Variants in NEDD9 observed in about 807,000 individuals in gnomAD.
NEDD9 encodes neural precursor cell expressed, developmentally down-regulated 9.
Under a neutral mutation model 76.6 loss-of-function variants are expected in NEDD9, and 26 were observed. The ratio of observed to expected loss-of-function variants is 0.34; its 90% confidence interval spans 0.25 to 0.47. The LOEUF is 0.47. Ranked by LOEUF, NEDD9 falls within the 20% of genes least tolerant of loss-of-function variation. The probability of loss-of-function intolerance (pLI) is 1.00; values close to 1 mark genes in which losing one functional copy is unlikely to be tolerated. For synonymous variants in NEDD9, 392 were observed against 414.2 expected, an observed-to-expected ratio of 0.95 and a Z score of 0.65; for missense variants, 937 against 1,058.5, an observed-to-expected ratio of 0.89 and a Z score of 1.59.
chr6:11,238,997 A>G (rs1759659465), intron 3 of NEDD9, among the ~76,000 whole-genome samples: 1 of 151,954 alleles, frequency 6.6e-6, no homozygotes, highest in Admixed American at 6.6e-5. Flanking sequence ...CCAACTCTAC[A>G]GAAATAAAAA....
At chr6:11,282,409 T>C (rs998746572) in intron 3 of NEDD9, among the ~76,000 whole-genome samples, 1 of 152,220 alleles carries the variant, frequency 6.6e-6, no homozygotes, top group Admixed American at 6.5e-5. Context: ...TTAATGGCCA[T>C]GCAGACAGTG....
chr6:11,248,294 C>T (rs957414898), intron 3 of NEDD9, among the ~76,000 whole-genome samples: 27 of 151,868 alleles, frequency 1.8e-4, no homozygotes, highest in Admixed American at 1.6e-3. Context: ...CAGCTAAGTG[C>T]GCCATCTCTT....
In NEDD9 at chr6:11,268,725, T is replaced by TCACACAAA. The variant is rs1162856844; in HGVS notation, c.12+37266_12+37267insTTTGTGTG. Among the ~76,000 whole-genome samples, 870 of 135,228 alleles carry TCACACAAA rather than the reference T, an allele frequency of 6.4e-3. 9 individuals are homozygous for TCACACAAA. Among genetic ancestry groups the TCACACAAA allele is most frequent in the African/African-American group, 0.022 (764 of 35,210 alleles). 88.7% of individuals were successfully genotyped at this position (135,228 alleles called of 152,430 possible). ...CCTGGGCAACAAGAACGAAGCTCCA[T>TCACACAAA]CACACACACACACACACACAGACAC... On this transcript the variant is annotated intron_variant, in intron 3 of 3. Transcript: ENST00000397378.
intron 2 of NEDD9, among the ~76,000 whole-genome samples, chr6:11,331,932 T>C (rs536364505): frequency 1.3e-4 from 20 of 152,328 alleles, no homozygotes; most frequent in African/African-American, 4.3e-4. Flanking sequence ...GTAGTTCAAA[T>C]GCAGTAATAG....
At chr6:11,325,369 AG>A (rs1163736197) in intron 2 of NEDD9, among the ~76,000 whole-genome samples, 1 of 151,988 alleles carries the variant, frequency 6.6e-6, no homozygotes, top group East Asian at 1.9e-4. Context: ...AAAAAAAAAA[AG>A]AATGTGCATT....
At chr6:11,261,328 G>A (rs1409799305) in intron 3 of NEDD9, among the ~76,000 whole-genome samples, 1 of 152,108 alleles carries the variant, frequency 6.6e-6, no homozygotes, top group Non-Finnish European at 1.5e-5. Flanking sequence ...CTGAGTCTTT[G>A]GAGGATAAGT....
chr6:11,366,444 A>G (rs934239538), intron 1 of NEDD9, among the ~76,000 whole-genome samples: 6 of 151,756 alleles, frequency 4.0e-5, no homozygotes, highest in Admixed American at 6.6e-5. Context: ...AAAGAAAGAA[A>G]AAAGAAAGAA....
intron 3 of NEDD9, among the ~76,000 whole-genome samples, chr6:11,255,878 G>T (rs568307498): frequency 6.6e-6 from 1 of 152,218 alleles, no homozygotes; most frequent in African/African-American, 2.4e-5. Flanking sequence ...TAAGGAAACT[G>T]GTTAGGAGGC....
chr6:11,243,284 A>G (rs544318279), intron 3 of NEDD9, among the ~76,000 whole-genome samples: 6 of 152,372 alleles, frequency 3.9e-5, no homozygotes, highest in African/African-American at 1.4e-4. Flanking sequence ...AGTAGTGTTG[A>G]AATTACTAGA....
At chr6:11,244,214 G>C (rs1314705647) in intron 3 of NEDD9, among the ~76,000 whole-genome samples, 1 of 152,022 alleles carries the variant, frequency 6.6e-6, no homozygotes, top group Non-Finnish European at 1.5e-5. Flanking sequence ...TTTGGACTTG[G>C]AGACAACTCC....
intron 2 of NEDD9, among the ~76,000 whole-genome samples, chr6:11,311,760 C>A (rs751962760): frequency 1.3e-5 from 2 of 152,212 alleles, no homozygotes; most frequent in Non-Finnish European, 2.9e-5. Context: ...GTAATCCTAG[C>A]ACTTTGGGTC....
intron 2 of NEDD9, among the ~76,000 whole-genome samples, chr6:11,319,756 G>GCACACA (rs1761737979): frequency 2.7e-5 from 2 of 73,398 alleles, no homozygotes; most frequent in South Asian, 1.1e-3. Context: ...ACACTAACAT[G>GCACACA]CACACTAACA....
rs142112537 is a variant in NEDD9, at chr6:11,193,587, G to A, written c.561+4C>T. On this transcript the variant is annotated splice_donor_region_variant and intron_variant, in intron 3 of 6. Transcript: ENST00000379446. The stretch of plus-strand genomic sequence containing the variant: ...TCCTCTTGTGACCATGTTCTGGTAC[G>A]CACCCCTTGAGTGGTATGAGAAGGA... 4.2e-5 allele frequency: 68 copies of A among 1,605,042 alleles called. 1 individual carries two copies. The East Asian group carries it at 1.4e-3, about 34-fold the overall frequency.
In NEDD9 at chr6:11,253,000, T is replaced by C. The variant is rs1399359736; in HGVS notation, c.13-39273A>G. ...GCAGTTGCCTAAGAACAAAACATTA[T>C]CTTGTGGGAGAGGAGTAGGGGCACG... is the stretch of plus-strand genomic sequence containing the variant. On this transcript the variant is annotated intron_variant, in intron 3 of 3. Coordinates refer to the NEDD9 transcript ENST00000397378. The surrounding 1 kb of genome is among the most constrained non-coding windows in gnomAD (Gnocchi z 4.3). 3.3e-5 allele frequency among the ~76,000 whole-genome samples: 5 copies of C among 152,298 alleles called. No individual in the cohort carries two copies. Among genetic ancestry groups the C allele is most frequent in the South Asian group, 2.1e-4 (1 of 4,834 alleles).
chr6:11,319,283 G>A (rs754624163), intron 2 of NEDD9, among the ~76,000 whole-genome samples: 1 of 152,148 alleles, frequency 6.6e-6, no homozygotes, highest in African/African-American at 2.4e-5. Flanking sequence ...CCTTTTCTGG[G>A]AATGGGGAAT....
chr6:11,350,228 G>A (rs1762440248), intron 1 of NEDD9, among the ~76,000 whole-genome samples: 1 of 152,158 alleles, frequency 6.6e-6, no homozygotes, highest in Non-Finnish European at 1.5e-5. Context: ...ATTATTACAG[G>A]TACAGGATTT....
chr6:11,203,418 G>C (rs1428846651), intron 2 of NEDD9, among the ~76,000 whole-genome samples: 1 of 152,208 alleles, frequency 6.6e-6, no homozygotes, highest in Non-Finnish European at 1.5e-5. Flanking sequence ...ACTGTGAAGA[G>C]GAGGTGAGAG....
At chr6:11,223,715 T>C (rs888356151) in intron 1 of NEDD9, among the ~76,000 whole-genome samples, 1 of 152,210 alleles carries the variant, frequency 6.6e-6, no homozygotes, top group African/African-American at 2.4e-5. Flanking sequence ...AACAATTGGA[T>C]GCAAATCCCC....
At position 11,189,985 on chromosome 6, in the gene NEDD9, G is replaced by C; in HGVS notation, c.1884C>G (p.Asp628Glu). Residue 628 changes from aspartate (D) to glutamate (E), a missense_variant, in exon 5 of 7, where the codon GAC becomes GAG. Transcript: ENST00000379446. ...TTACCTGTAGGTGGACGTAATCGTA[G>C]TCATCCATCCAGCTCCTCTCAGAAC... ...SDGSERSWMD[D>E]YDYVHLQGKE... 6.6e-7 allele frequency: 1 copy of C among 1,518,658 alleles called. No homozygotes were observed. The highest frequency in any genetic ancestry group is 1.3e-5 in the South Asian group (1 of 75,288). 94.1% of individuals were successfully genotyped at this position (1,518,658 alleles called of 1,614,324 possible). A position where few individuals can be genotyped will look rare whatever the true frequency, so the allele number is the denominator to read the frequency against.
Sources: gnomAD v4.1 joint callset for allele counts (sites outside exome capture counted in the v4.1 genomes callset) on GRCh38, gnomAD v4.1.1 for gene constraint, Gnocchi (gnomAD v3.1) non-coding constraint, MANE v1.5 for transcripts, NCBI Gene and HGNC (gene_info 2026-07-23, HGNC 2026-07-21) for gene names.